CGNL1: variants seen among roughly 807,000 people sequenced by gnomAD.
CGNL1 encodes the protein cingulin like 1, also known as cingulin-like protein 1.
CGNL1 carries 132 observed loss-of-function variants against 141.2 expected under a neutral mutation model. That is an observed-to-expected ratio of 0.93 (90% CI 0.81 to 1.08). CGNL1 has a LOEUF of 1.08. Ranked by LOEUF, CGNL1 falls within the 50% of genes least tolerant of loss-of-function variation. The pLI, the probability that CGNL1 is intolerant of heterozygous loss-of-function variation, is 0.00. For missense variants in CGNL1, 1,870 were observed against 1,588.6 expected (o/e 1.18, Z -3.01); for synonymous variants, 690 against 622.1 (o/e 1.11, Z -1.63).
intron 1 of CGNL1, among the ~76,000 whole-genome samples, chr15:57,417,355 T>C (rs1444902145): frequency 6.6e-6 from 1 of 152,188 alleles, no homozygotes; most frequent in African/African-American, 2.4e-5. Flanking sequence ...TGCCTCAGCC[T>C]CCCGAGTAGC....
intron 8 of CGNL1, among the ~76,000 whole-genome samples, chr15:57,513,218 T>C (rs2030473347): frequency 1.3e-5 from 2 of 151,734 alleles, no homozygotes; most frequent in Non-Finnish European, 2.9e-5. Flanking sequence ...CTCCGTAGAT[T>C]TGCTATTCCA....
chr15:57,385,054 C>A (rs75536233), intron 1 of CGNL1, among the ~76,000 whole-genome samples: 12,255 of 152,286 alleles, frequency 0.08, 655 homozygotes, highest in Middle Eastern at 0.13. Flanking sequence ...TCCCGACACC[C>A]AGCTTGCAGA....
chr15:57,546,312 T>C, intron 18 of CGNL1, 73 bp downstream of exon 18: 3 of 1,456,390 alleles, frequency 2.1e-6, no homozygotes, highest in Non-Finnish European at 2.7e-6. Context: ...TTTCAGAGCA[T>C]TCACACTCCT....
intron 8 of CGNL1, among the ~76,000 whole-genome samples, chr15:57,483,388 G>A (rs1455163299): frequency 6.7e-6 from 1 of 149,484 alleles, no homozygotes; most frequent in African/African-American, 2.5e-5. Context: ...AAATGCAGTT[G>A]TATGTTTTTA....
At chr15:57,440,331 C>A (rs16977503) in intron 2 of CGNL1, 46 bp from the exon 3 acceptor site, 2 of 1,430,566 alleles carry the variant, frequency 1.4e-6, no homozygotes, top group African/African-American at 2.8e-5. Context: ...TTGGAAGCCT[C>A]TGGGAACTTC....
At chr15:57,544,278 G>T (rs998386649) in intron 15 of CGNL1, among the ~76,000 whole-genome samples, 195 bp from the exon 16 acceptor site, 6 of 152,194 alleles carry the variant, frequency 3.9e-5, no homozygotes, top group Non-Finnish European at 7.3e-5. Context: ...TCTTCTTCTG[G>T]CCTGCAGCTG....
intron 4 of CGNL1, among the ~76,000 whole-genome samples, chr15:57,448,532 C>T (rs1010916494): frequency 2.6e-4 from 40 of 151,876 alleles, no homozygotes; most frequent in African/African-American, 9.2e-4. Context: ...CCTGTAACCC[C>T]AGCTATTTGG....
chr15:57,544,323 T>G (rs999836790), intron 15 of CGNL1, 150 bp from the exon 16 acceptor site: 1 of 865,116 alleles, frequency 1.2e-6, no homozygotes, highest in Non-Finnish European at 1.8e-6. Context: ...ATCTCTGTGT[T>G]CCCCAGGTCT....
In CGNL1 at chr15:57,516,846, G is replaced by T. The variant is rs574028211; in HGVS notation, c.2470G>T (p.Val824Leu). 6.8e-6 allele frequency: 11 copies of T among 1,614,090 alleles called. No homozygotes were observed. The African/African-American group carries it at 8.0e-5, about 12-fold the overall frequency. ...AGACCAGGCGGGGACTGAAATGCGC[G>T]TGAAGCTTCTGCAGGAGGAGAATGA... is the stretch of plus-strand genomic sequence containing the variant. The part of the protein sequence containing the change: ...EQDQAGTEMR[V>L]KLLQEENEKL... The change falls in exon 9 of 19, where the codon GTG becomes TTG. Residue 824 changes from valine to leucine, a missense_variant. Transcript: ENST00000281282.
chr15:57,419,927 G>T (rs528710147), intron 1 of CGNL1, among the ~76,000 whole-genome samples: 6 of 152,306 alleles, frequency 3.9e-5, no homozygotes, highest in Admixed American at 2.6e-4. Context: ...TGGGTGAGTT[G>T]TCTGCTCTTC....
At chr15:57,493,333 CACAG>C (rs1412353783) in intron 8 of CGNL1, among the ~76,000 whole-genome samples, 4 of 152,130 alleles carry the variant, frequency 2.6e-5, no homozygotes, top group African/African-American at 4.8e-5. Flanking sequence ...AGATTTGGGC[CACAG>C]ACAGATTTTG....
At chr15:57,420,182 C>A (rs1159527604) in intron 1 of CGNL1, among the ~76,000 whole-genome samples, 2 of 152,040 alleles carry the variant, frequency 1.3e-5, no homozygotes, top group Non-Finnish European at 2.9e-5. Flanking sequence ...GAAGAATAAG[C>A]CATTTATTCA....
chr15:57,500,651 T>A (rs2064011158), intron 8 of CGNL1, among the ~76,000 whole-genome samples: 1 of 16,432 alleles, frequency 6.1e-5, no homozygotes, highest in Non-Finnish European at 2.2e-3. Flanking sequence ...GAATGAAGAC[T>A]TTGGGAAAAA....
At chr15:57,469,847 C>T (rs559200604) in intron 8 of CGNL1, among the ~76,000 whole-genome samples, 137 of 152,282 alleles carry the variant, frequency 9.0e-4, no homozygotes, top group African/African-American at 3.1e-3. Flanking sequence ...TTTGTCCCTT[C>T]CCTCTTTCCT....
chr15:57,455,528 C>T lies in CGNL1; in HGVS notation c.2190+1710C>T, dbSNP rs992226058. Among the ~76,000 whole-genome samples the T allele has an allele frequency of 2.0e-5, 3 of 152,140 alleles. No homozygotes were observed. In the East Asian group the frequency reaches 5.8e-4, roughly 29 times the overall value. ...AGTTTCTCTATTTTAACTCACTTGACGTTGCACATATTTTGTATCTTTCTT... is the reference window on the plus strand; with the variant it reads ...AGTTTCTCTATTTTAACTCACTTGATGTTGCACATATTTTGTATCTTTCTT... On this transcript the variant is annotated intron_variant, in intron 7 of 18. Coordinates refer to ENST00000281282, the MANE Select transcript of CGNL1 (RefSeq NM_032866.5).
intron 11 of CGNL1, among the ~76,000 whole-genome samples, chr15:57,524,179 ATT>A (rs1264599555): frequency 6.6e-6 from 1 of 152,232 alleles, no homozygotes; most frequent in Admixed American, 6.5e-5. Flanking sequence ...TCTAACTAGA[ATT>A]TTATCTGTAT....
chr15:57,452,716 C>A (rs981641379), intron 6 of CGNL1, among the ~76,000 whole-genome samples: 7 of 152,068 alleles, frequency 4.6e-5, no homozygotes, highest in Non-Finnish European at 1.0e-4. Context: ...GGTGCTTATA[C>A]CTCCTCTGAG....
chr15:57,516,778 A>G lies in CGNL1; in HGVS notation c.2404-2A>G, dbSNP rs1161299525. ...TGTTCATTTGCTTTGTGTTTTTAAC[A>G]GAATGTCGAGGTCTTGGCGAGCAGG... is the stretch of plus-strand genomic sequence containing the variant. On this transcript the variant is annotated splice_acceptor_variant, in intron 8 of 18. Coordinates refer to ENST00000281282, the MANE Select transcript of CGNL1 (RefSeq NM_032866.5). LOFTEE classifies it high-confidence loss of function. 6 of 1,613,974 alleles carry G rather than the reference A, an allele frequency of 3.7e-6. No homozygotes were observed. The South Asian group carries it at 6.6e-5, about 18-fold the overall frequency.
Position 57,440,468 on chromosome 15 carries a change from A to G in CGNL1, c.1694A>G (p.Glu565Gly), listed in dbSNP as rs1405750435. The change falls in exon 3 of 19, where the codon GAA (glutamate) becomes GGA (glycine). Residue 565 changes from glutamate (E) to glycine (G), a missense_variant. Glu to Gly is a moderately conservative substitution (Grantham distance 98, BLOSUM62 -2). Coordinates refer to ENST00000281282, the MANE Select transcript of CGNL1 (RefSeq NM_032866.5). ...CAGATTCTCTACAATTACCTCAAAG[A>G]AGGGTTAGTGATTTTCCCTCTGAAA... ...AKQILYNYLKEGSTDNDDATK... is the reference protein window; with the variant it reads ...AKQILYNYLKGGSTDNDDATK... 2 of 1,581,646 alleles carry G rather than the reference A, an allele frequency of 1.3e-6. No individual in the cohort carries two copies. Among genetic ancestry groups the G allele is most frequent in the East Asian group, 2.3e-5 (1 of 44,152 alleles).
Sources: allele counts gnomAD v4.1 joint callset (sites outside exome capture counted in the v4.1 genomes callset), GRCh38; gene constraint gnomAD v4.1.1; transcripts MANE v1.5; gene names NCBI Gene and HGNC (gene_info 2026-07-23, HGNC 2026-07-21).